SLC4A4: variants seen among roughly 807,000 people sequenced by gnomAD.
SLC4A4 encodes the protein solute carrier family 4 member 4.
SLC4A4 carries 27 observed loss-of-function variants against 111.5 expected under a neutral mutation model. That is an observed-to-expected ratio of 0.24 (90% CI 0.18 to 0.33). The LOEUF is 0.33. Ranked by LOEUF, SLC4A4 falls within the 10% of genes least tolerant of loss-of-function variation. SLC4A4 has a pLI of 1.00. For synonymous variants in SLC4A4, 443 were observed against 463.4 expected (o/e 0.96, Z 0.57); for missense variants, 909 against 1,315.5 (o/e 0.69, Z 4.78).
chr4:71,223,057 T>C (rs950442086), intron 1 of SLC4A4, among the ~76,000 whole-genome samples: 1 of 152,196 alleles, frequency 6.6e-6, no homozygotes, highest in African/African-American at 2.4e-5. Context: ...TTCATGAATG[T>C]CAAGGGTCTG....
chr4:71,498,110 A>G (rs1179259034), intron 16 of SLC4A4, among the ~76,000 whole-genome samples: 1 of 152,158 alleles, frequency 6.6e-6, no homozygotes, highest in East Asian at 1.9e-4. Context: ...TAGTACTTGA[A>G]TTATGGGCTG....
At chr4:71,433,174 C>T (rs1723800295) in intron 7 of SLC4A4, among the ~76,000 whole-genome samples, 1 of 151,836 alleles carries the variant, frequency 6.6e-6, no homozygotes, top group Non-Finnish European at 1.5e-5. Context: ...ACTTCCTCCC[C>T]CTCACCATTA....
intron 2 of SLC4A4, among the ~76,000 whole-genome samples, chr4:71,117,798 T>C (rs975913373): frequency 3.9e-5 from 6 of 152,226 alleles, no homozygotes; most frequent in Admixed American, 1.3e-4. Context: ...TTCAAGGTAT[T>C]TTATAATTTC....
chr4:71,384,306 T>G (rs1226287172), intron 6 of SLC4A4, among the ~76,000 whole-genome samples: 2 of 152,204 alleles, frequency 1.3e-5, no homozygotes, highest in African/African-American at 4.8e-5. Flanking sequence ...TACAGCACTT[T>G]GGTCTACAGT....
chr4:71,445,358 A>G (rs1050858856), intron 8 of SLC4A4, among the ~76,000 whole-genome samples: 5 of 152,162 alleles, frequency 3.3e-5, no homozygotes, highest in South Asian at 4.1e-4. Context: ...CTTTGTTGCT[A>G]TATAGTCAAC....
At chr4:71,397,779 C>T (rs1322046445) in intron 7 of SLC4A4, 126 bp downstream of exon 7, 9 of 809,502 alleles carry the variant, frequency 1.1e-5, no homozygotes, top group Admixed American at 1.9e-5. Context: ...ACAGTTTGCA[C>T]TTTCCTGGGC....
chr4:71,223,690 C>T (rs1292117261), intron 1 of SLC4A4, among the ~76,000 whole-genome samples: 4 of 152,008 alleles, frequency 2.6e-5, no homozygotes, highest in African/African-American at 4.8e-5. Flanking sequence ...CCAAGTAGGC[C>T]GCCATTTCCC....
rs373484867 is a variant in SLC4A4, at chr4:71,115,843, T to C, written c.-2+23051T>C. ...TGAATAAAATGTTATTTTCTAATCA[T>C]AGATAACTTTCCATTTAAAAAGTAT... is the stretch of plus-strand genomic sequence containing the variant. On this transcript the variant is annotated intron_variant, in intron 2 of 26. Transcript: ENST00000649996. Among the ~76,000 whole-genome samples the C allele has an allele frequency of 3.3e-5, 5 of 152,338 alleles. No homozygotes were observed. The East Asian group carries it at 5.8e-4, about 18-fold the overall frequency.
chr4:71,394,048 A>G (rs1166356956), intron 6 of SLC4A4, among the ~76,000 whole-genome samples: 2 of 152,212 alleles, frequency 1.3e-5, no homozygotes, highest in Non-Finnish European at 2.9e-5. Flanking sequence ...AAGACCTGCA[A>G]CTATAAAAAT....
At chr4:71,314,191 T>C (rs1726462899) in intron 3 of SLC4A4, among the ~76,000 whole-genome samples, 1 of 152,118 alleles carries the variant, frequency 6.6e-6, no homozygotes, top group Non-Finnish European at 1.5e-5. Context: ...CACTGGTCAT[T>C]AGAGAAATGC....
At chr4:71,399,772 G>C (rs980639004) in intron 7 of SLC4A4, among the ~76,000 whole-genome samples, 4 of 151,848 alleles carry the variant, frequency 2.6e-5, no homozygotes, top group African/African-American at 9.7e-5. Context: ...CCAGAAGAGG[G>C]ACTCTGTTTA....
intron 1 of SLC4A4, among the ~76,000 whole-genome samples, chr4:71,082,342 C>T (rs1742016933): frequency 6.6e-6 from 1 of 151,980 alleles, no homozygotes; most frequent in South Asian, 2.1e-4. Flanking sequence ...AACTGTCCCC[C>T]CCACCACTAT....
intron 3 of SLC4A4, among the ~76,000 whole-genome samples, chr4:71,290,562 G>A (rs1204356475): frequency 6.6e-6 from 1 of 152,072 alleles, no homozygotes; most frequent in Non-Finnish European, 1.5e-5. Flanking sequence ...AGTGCATCAG[G>A]GATTTTCTAG....
At chr4:71,131,476 C>T (rs1743705253) in intron 2 of SLC4A4, among the ~76,000 whole-genome samples, 1 of 152,178 alleles carries the variant, frequency 6.6e-6, no homozygotes, top group African/African-American at 2.4e-5. Context: ...TTCATCACGA[C>T]ACCTGCCAAC....
chr4:71,517,827 G>A (rs1408198825), intron 16 of SLC4A4, among the ~76,000 whole-genome samples: 2 of 152,212 alleles, frequency 1.3e-5, no homozygotes, highest in African/African-American at 2.4e-5. Flanking sequence ...TCCACAGGCA[G>A]GCTTGCTGCA....
intron 1 of SLC4A4, among the ~76,000 whole-genome samples, chr4:71,230,600 G>T (rs913874190): frequency 1.3e-5 from 2 of 152,180 alleles, no homozygotes; most frequent in African/African-American, 2.4e-5. Flanking sequence ...CTGCATGCAC[G>T]GAGAGAACCA....
At chr4:71,226,293 T>A (rs951606900) in intron 1 of SLC4A4, among the ~76,000 whole-genome samples, 2 of 152,232 alleles carry the variant, frequency 1.3e-5, no homozygotes, top group African/African-American at 4.8e-5. Context: ...TTTAGGCATA[T>A]GCCACTGTGC....
intron 3 of SLC4A4, among the ~76,000 whole-genome samples, chr4:71,311,888 TGTGAGAGAGAGAGAGA>T (rs1212096806): frequency 2.5e-4 from 8 of 31,566 alleles, no homozygotes; most frequent in Admixed American, 7.2e-4. Context: ...TGTGCAAGGC[TGTGAGAGAGAGAGAGA>T]GAGAGAGAGA....
chr4:71,112,304 T>C (rs1743110867), intron 2 of SLC4A4, among the ~76,000 whole-genome samples: 1 of 152,250 alleles, frequency 6.6e-6, no homozygotes, highest in African/African-American at 2.4e-5. Flanking sequence ...ATTTGCGTCA[T>C]AGGAGTTTTA....
Sources: gnomAD v4.1 joint callset for allele counts (sites outside exome capture counted in the v4.1 genomes callset) on GRCh38, gnomAD v4.1.1 for gene constraint, MANE v1.5 for transcripts, NCBI Gene and HGNC (gene_info 2026-07-23, HGNC 2026-07-21) for gene names.